The following GRM5 variants were observed in gnomAD, a reference collection of about 807,000 sequenced individuals.
The protein encoded by GRM5 is metabotropic glutamate receptor 5.
A neutral mutation model predicts 83.1 loss-of-function variants in GRM5; 19 were observed. That is an observed-to-expected ratio of 0.23 (90% CI 0.16 to 0.34). The LOEUF is 0.34. Ranked by LOEUF, GRM5 falls within the 10% of genes least tolerant of loss-of-function variation. The pLI is 1.00. For missense variants in GRM5, 1,160 were observed against 1,588.3 expected, an observed-to-expected ratio of 0.73 and a Z score of 4.58; for synonymous variants, 675 against 633.6, an observed-to-expected ratio of 1.07 and a Z score of -0.98.
intron 4 of GRM5, among the ~76,000 whole-genome samples, chr11:88,618,086 G>A (rs919157563): frequency 5.3e-5 from 8 of 152,192 alleles, no homozygotes; most frequent in Admixed American, 5.2e-4. Context: ...ACTCAATGAG[G>A]CATATGTTTG....
chr11:88,613,546 C>T (rs1172117706), intron 4 of GRM5, among the ~76,000 whole-genome samples: 1 of 152,172 alleles, frequency 6.6e-6, no homozygotes, highest in Non-Finnish European at 1.5e-5. Flanking sequence ...AGATCTTTCT[C>T]CATGTCTTTA....
At chr11:88,787,610 A>T (rs1943097910) in intron 3 of GRM5, among the ~76,000 whole-genome samples, 1 of 152,146 alleles carries the variant, frequency 6.6e-6, no homozygotes, top group Non-Finnish European at 1.5e-5. Flanking sequence ...GGAGGCTCTT[A>T]TAGCCATCCA....
intron 2 of GRM5, among the ~76,000 whole-genome samples, chr11:88,992,422 C>G (rs1435552000): frequency 2.0e-5 from 3 of 152,014 alleles, no homozygotes; most frequent in Non-Finnish European, 2.9e-5. Context: ...GTTGGTGGGA[C>G]TGTAAACTAG....
At position 88,590,548 on chromosome 11, in the gene GRM5, C is replaced by T. The variant is rs182950462; in HGVS notation, c.1690+53G>A. 3.7e-5 allele frequency: 55 copies of T among 1,503,756 alleles called. No homozygotes were observed. In the Admixed American group the frequency reaches 4.6e-4, roughly 12 times the overall value. 93.2% of individuals were successfully genotyped at this position (1,503,756 alleles called of 1,614,324 possible). ...TTGGGGATGTGACCCCCCTCTCCCA[C>T]GTCTGCACCATTTTTCAGTTAATTT... On this transcript the variant is annotated intron_variant, in intron 7 of 9. Coordinates refer to ENST00000305447, the MANE Select transcript of GRM5 (RefSeq NM_001143831.3).
At chr11:88,621,636 C>T (rs1938637329) in intron 4 of GRM5, among the ~76,000 whole-genome samples, 1 of 152,090 alleles carries the variant, frequency 6.6e-6, no homozygotes. Flanking sequence ...CACTTTCCAT[C>T]TTTGAAAATT....
At chr11:89,038,388 A>G (rs902702746) in intron 2 of GRM5, among the ~76,000 whole-genome samples, 1 of 152,240 alleles carries the variant, frequency 6.6e-6, no homozygotes, top group Non-Finnish European at 1.5e-5. Flanking sequence ...TGCCTTTCAT[A>G]TATAAGGCTA....
intron 3 of GRM5, among the ~76,000 whole-genome samples, chr11:88,683,232 A>G (rs1463580363): frequency 6.6e-6 from 1 of 152,168 alleles, no homozygotes; most frequent in Non-Finnish European, 1.5e-5. Context: ...ACTGTGGTTC[A>G]TTAATGGTAT....
chr11:88,836,829 A>C (rs1565254571), intron 3 of GRM5, among the ~76,000 whole-genome samples: 1 of 151,994 alleles, frequency 6.6e-6, no homozygotes, highest in Non-Finnish European at 1.5e-5. Context: ...AAAACAAACA[A>C]AAACAAACAA....
At chr11:88,976,229 T>C (rs1463355452) in intron 2 of GRM5, among the ~76,000 whole-genome samples, 2 of 152,206 alleles carry the variant, frequency 1.3e-5, no homozygotes, top group Non-Finnish European at 2.9e-5. Flanking sequence ...TACTGACTGA[T>C]TAAATATAAT....
chr11:88,979,680 ACTTTCTCTG>A (rs1171835429), intron 2 of GRM5, among the ~76,000 whole-genome samples: 1 of 151,740 alleles, frequency 6.6e-6, no homozygotes, highest in Non-Finnish European at 1.5e-5. Flanking sequence ...TCTGGTTCTG[ACTTTCTCTG>A]TGCTTAGGTC....
At chr11:89,065,286 TCACACACACA>T (rs71046278) in intron 1 of GRM5, among the ~76,000 whole-genome samples, 89 of 147,488 alleles carry the variant, frequency 6.0e-4, no homozygotes, top group Non-Finnish European at 1.9e-4. Flanking sequence ...TGTATTGGCA[TCACACACACA>T]CACACACACA....
chr11:88,920,793 T>C (rs1454493531), intron 2 of GRM5, among the ~76,000 whole-genome samples: 1 of 152,206 alleles, frequency 6.6e-6, no homozygotes, highest in Non-Finnish European at 1.5e-5. Flanking sequence ...ACATGTGCCA[T>C]GGTGGTTTGC....
At chr11:88,653,126 C>T in intron 4 of GRM5, 42 bp downstream of exon 4, 1 of 1,232,050 alleles carries the variant, frequency 8.1e-7, no homozygotes. Context: ...AAATTGGAAC[C>T]TTAGCCTTAT....
chr11:88,999,955 G>A (rs1940315514), intron 2 of GRM5, among the ~76,000 whole-genome samples: 1 of 152,180 alleles, frequency 6.6e-6, no homozygotes, highest in Non-Finnish European at 1.5e-5. Flanking sequence ...GGATGAAGCT[G>A]GAAACCATCA....
At chr11:88,852,564 G>A (rs531472592) in intron 2 of GRM5, among the ~76,000 whole-genome samples, 13 of 152,038 alleles carry the variant, frequency 8.6e-5, no homozygotes, top group African/African-American at 2.6e-4. Context: ...GCAGAATAAA[G>A]TATTATTTTC....
chr11:88,983,900 G>A (rs184923250), intron 2 of GRM5, among the ~76,000 whole-genome samples: 2 of 152,040 alleles, frequency 1.3e-5, no homozygotes, highest in African/African-American at 2.4e-5. Context: ...CGAAGCTAAT[G>A]TGTGTGTTTC....
intron 3 of GRM5, among the ~76,000 whole-genome samples, chr11:88,802,750 T>C (rs1011874069): frequency 6.6e-6 from 1 of 150,466 alleles, no homozygotes; most frequent in African/African-American, 2.5e-5. Context: ...AAATTGTCCC[T>C]GTTTGCAGAT....
chr11:89,022,193 G>T (rs768589113), intron 2 of GRM5, among the ~76,000 whole-genome samples: 10 of 151,988 alleles, frequency 6.6e-5, no homozygotes, highest in Admixed American at 1.3e-4. Flanking sequence ...TGTGAAAGCT[G>T]GTTTTTGTAG....
intron 8 of GRM5, among the ~76,000 whole-genome samples, chr11:88,560,366 T>C (rs888024365): frequency 1.1e-4 from 16 of 152,124 alleles, no homozygotes; most frequent in Admixed American, 9.2e-4. Context: ...CATGGCACTG[T>C]ATTGCTTTAT....
Sources: allele counts gnomAD v4.1 joint callset (sites outside exome capture counted in the v4.1 genomes callset), GRCh38; gene constraint gnomAD v4.1.1; transcripts MANE v1.5; gene names NCBI Gene and HGNC (gene_info 2026-07-23, HGNC 2026-07-21).